The following TRAPPC8 variants were observed in gnomAD, a reference collection of about 807,000 sequenced individuals.
The protein encoded by TRAPPC8 is general sporulation gene 1 homolog.
A neutral mutation model predicts 174.3 loss-of-function variants in TRAPPC8; 54 were observed. That is an observed-to-expected ratio of 0.31 (90% CI 0.25 to 0.39). The LOEUF is 0.39. Ranked by LOEUF, TRAPPC8 falls within the 10% of genes least tolerant of loss-of-function variation. TRAPPC8 has a pLI of 1.00. For synonymous variants in TRAPPC8, 630 were observed against 579.9 expected (o/e 1.09, Z -1.24); for missense variants, 1,531 against 1,699.1 (o/e 0.90, Z 1.74).
Position 31,857,735 on chromosome 18 carries a change from G to A in TRAPPC8, c.2993C>T (p.Ser998Leu). Residue 998 changes from serine to leucine, a missense_variant, in exon 20 of 29, where the codon TCA (serine) becomes TTA (leucine). By Grantham distance (145) the Ser-to-Leu change is moderately radical. Coordinates refer to ENST00000283351, the MANE Select transcript of TRAPPC8 (RefSeq NM_014939.5). ...AATGCCAAAGTCTACAGAAGAAGCT[G>A]ATGATATGAGTGCTGTACACACAGA... ...ATSVCTALIS[S>L]ASSVDFGIGT... 1.2e-6 allele frequency: 2 copies of A among 1,614,148 alleles called. No individual in the cohort carries two copies. The highest frequency in any genetic ancestry group is 1.7e-6 in the Non-Finnish European group (2 of 1,180,012).
intron 4 of TRAPPC8, among the ~76,000 whole-genome samples, chr18:31,915,261 G>C (rs10853416): frequency 1.3e-5 from 2 of 149,806 alleles, no homozygotes; most frequent in African/African-American, 5.0e-5. Context: ...CTGAGTTCCA[G>C]AGCAGCCTGG....
intron 12 of TRAPPC8, among the ~76,000 whole-genome samples, chr18:31,879,216 T>C (rs561917507): frequency 8.5e-5 from 13 of 152,294 alleles, no homozygotes; most frequent in African/African-American, 2.9e-4. Context: ...AAGTTGACCA[T>C]ATACTGGGTC....
rs1464632631 is a variant in TRAPPC8, at chr18:31,935,550, A to G, written c.158-4027T>C. 1.6e-5 allele frequency among the ~76,000 whole-genome samples: 2 copies of G among 121,216 alleles called. 1 individual carries two copies. Among genetic ancestry groups the G allele is most frequent in the Non-Finnish European group, 3.7e-5 (2 of 54,740 alleles). The allele number at this position is 121,216 out of a possible 152,430, so 79.5% of individuals were successfully genotyped here. On this transcript the variant is annotated intron_variant, in intron 1 of 28. Coordinates refer to ENST00000283351, the MANE Select transcript of TRAPPC8 (RefSeq NM_014939.5). Reference sequence around the variant, plus strand: ...GCAACAAGAGCGAAACTCCATCTTAAAAAAAAAAAAAAAAAAAAGCAGGCT... The same window carrying G: ...GCAACAAGAGCGAAACTCCATCTTAGAAAAAAAAAAAAAAAAAAGCAGGCT...
chr18:31,854,530 A>C (rs900293900), intron 21 of TRAPPC8, among the ~76,000 whole-genome samples: 7 of 152,188 alleles, frequency 4.6e-5, no homozygotes, highest in Non-Finnish European at 1.0e-4. Context: ...AATATCCTAG[A>C]AAGCAGACAC....
At chr18:31,854,283 CTTTTT>C (rs1443017248) in intron 21 of TRAPPC8, among the ~76,000 whole-genome samples, 2 of 152,018 alleles carry the variant, frequency 1.3e-5, no homozygotes, top group Non-Finnish European at 2.9e-5. Flanking sequence ...ATGGCATTTT[CTTTTT>C]ATTTCTCTAC....
At chr18:31,843,862 AATT>A (rs1268604157) in intron 26 of TRAPPC8, among the ~76,000 whole-genome samples, 6 of 152,214 alleles carry the variant, frequency 3.9e-5, no homozygotes, top group African/African-American at 1.4e-4. Context: ...TAAAACTGAA[AATT>A]ATTATGAAAT....
intron 1 of TRAPPC8, among the ~76,000 whole-genome samples, chr18:31,940,629 G>T (rs1299241506): frequency 1.3e-5 from 2 of 151,920 alleles, no homozygotes; most frequent in Non-Finnish European, 2.9e-5. Flanking sequence ...TTCTCGAGTA[G>T]CTGGGACTAC....
chr18:31,845,390 G>GA (rs1353218565), intron 26 of TRAPPC8, among the ~76,000 whole-genome samples: 1 of 151,370 alleles, frequency 6.6e-6, no homozygotes, highest in Non-Finnish European at 1.5e-5. Flanking sequence ...TAAAACCTTT[G>GA]ATAGCATTTG....
intron 1 of TRAPPC8, among the ~76,000 whole-genome samples, chr18:31,935,755 A>G (rs1384506044): frequency 6.8e-6 from 1 of 147,566 alleles, no homozygotes; most frequent in Non-Finnish European, 1.5e-5. Flanking sequence ...TTTTTTTTTG[A>G]GACAGAGTCT....
chr18:31,835,849 G>T (rs1200646570), intron 27 of TRAPPC8, among the ~76,000 whole-genome samples: 1 of 152,120 alleles, frequency 6.6e-6, no homozygotes. Context: ...TTGCAATGTG[G>T]CTCACTTTTT....
At chr18:31,848,809 G>A (rs2033548899) in intron 25 of TRAPPC8, among the ~76,000 whole-genome samples, 1 of 152,110 alleles carries the variant, frequency 6.6e-6, no homozygotes, top group African/African-American at 2.4e-5. Context: ...AAAATAGGTA[G>A]TACATGCATA....
intron 12 of TRAPPC8, among the ~76,000 whole-genome samples, chr18:31,876,476 C>G (rs1398962519): frequency 3.2e-5 from 2 of 62,348 alleles, no homozygotes; most frequent in Non-Finnish European, 6.1e-5. Flanking sequence ...GGCTACACTG[C>G]GAGACTCCAT....
At chr18:31,925,241 A>G (rs2037562475) in intron 2 of TRAPPC8, among the ~76,000 whole-genome samples, 1 of 150,544 alleles carries the variant, frequency 6.6e-6, no homozygotes, top group Non-Finnish European at 1.5e-5. Flanking sequence ...AATACGAATG[A>G]AAAAAAAAGG....
intron 11 of TRAPPC8, among the ~76,000 whole-genome samples, chr18:31,897,132 G>C (rs185227880): frequency 1.3e-5 from 2 of 152,238 alleles, no homozygotes; most frequent in Admixed American, 6.5e-5. Context: ...GTTTGATTTT[G>C]TTCCTTCGTT....
chr18:31,898,242 A>T (rs1270527699), intron 10 of TRAPPC8, among the ~76,000 whole-genome samples: 1 of 152,018 alleles, frequency 6.6e-6, no homozygotes, highest in African/African-American at 2.4e-5. Context: ...TTTCCCAAAT[A>T]TTTTTAATCT....
At chr18:31,880,872 G>C (rs2035416065) in intron 12 of TRAPPC8, among the ~76,000 whole-genome samples, 1 of 151,860 alleles carries the variant, frequency 6.6e-6, no homozygotes. Flanking sequence ...CTCAGGATGA[G>C]AACCAAGTAA....
Position 31,831,002 on chromosome 18 carries a change from G to C in TRAPPC8, c.4074-13C>G. The C allele has an allele frequency of 1.9e-6, 3 of 1,582,846 alleles. No individual in the cohort carries two copies. Among genetic ancestry groups the C allele is most frequent in the Non-Finnish European group, 2.6e-6 (3 of 1,162,102 alleles). On this transcript the variant is annotated splice_polypyrimidine_tract_variant and intron_variant, in intron 28 of 28. Transcript: ENST00000283351. ...CAGTGCTTCTGGACTAAGGGAGGAG[G>C]AAAATGTAAGTTGCAGGATTTTTTT...
intron 20 of TRAPPC8, among the ~76,000 whole-genome samples, 161 bp from the exon 21 acceptor site, chr18:31,855,968 C>T (rs371906344): frequency 2.0e-5 from 3 of 152,180 alleles, no homozygotes; most frequent in South Asian, 2.1e-4. Context: ...GTTAGCCTAA[C>T]TTCAGTTCAA....
chr18:31,909,741 G>A lies in TRAPPC8; in HGVS notation c.791C>T (p.Pro264Leu), dbSNP rs200187896. The change falls in exon 6 of 29, where the codon CCT becomes CTT. Residue 264 changes from proline (P) to leucine (L), a missense_variant. By Grantham distance (98) the Pro-to-Leu change is moderately conservative. Transcript: ENST00000283351. Reference protein sequence around the residue: ...IQNQESYEDGPCTITSNKNSD... With the variant: ...IQNQESYEDGLCTITSNKNSD... ...ATTCTTATTTGAAGTTATAGTACAA[G>A]GGCCATCTTCATATGATTCCTATCA... 2.5e-6 allele frequency: 4 copies of A among 1,592,470 alleles called. No homozygotes were observed.
Sources: gnomAD v4.1 joint callset for allele counts (sites outside exome capture counted in the v4.1 genomes callset) on GRCh38, gnomAD v4.1.1 for gene constraint, MANE v1.5 for transcripts, NCBI Gene and HGNC (gene_info 2026-07-23, HGNC 2026-07-21) for gene names.